The following KCNT2 variants were observed in gnomAD, a reference collection of about 807,000 sequenced individuals.
The protein encoded by KCNT2 is potassium sodium-activated channel subfamily T member 2.
Under a neutral mutation model 153.8 loss-of-function variants are expected in KCNT2, and 67 were observed. The ratio of observed to expected loss-of-function variants is 0.44; its 90% CI spans 0.36 to 0.53. KCNT2 has a LOEUF of 0.53. Ranked by LOEUF, KCNT2 falls within the 20% of genes least tolerant of loss-of-function variation. The pLI, the probability that KCNT2 is intolerant of heterozygous loss-of-function variation, is 0.00. For synonymous variants in KCNT2, 500 were observed against 458.8 expected (o/e 1.09, Z -1.15); for missense variants, 975 against 1,354.8 (o/e 0.72, Z 4.40).
chr1:196,397,894 G>T (rs1231106654), intron 13 of KCNT2, among the ~76,000 whole-genome samples: 25 of 151,210 alleles, frequency 1.7e-4, no homozygotes, highest in Admixed American at 1.7e-3. Context: ...TTGTGATTGT[G>T]GGGAAAACGT....
At chr1:196,251,512 A>T (rs1198740416) in intron 26 of KCNT2, among the ~76,000 whole-genome samples, 1 of 152,050 alleles carries the variant, frequency 6.6e-6, no homozygotes, top group Non-Finnish European at 1.5e-5. Flanking sequence ...AGAAATAAAA[A>T]CTTCATATAT....
intron 13 of KCNT2, among the ~76,000 whole-genome samples, chr1:196,382,390 A>G (rs977824138): frequency 1.3e-5 from 2 of 152,054 alleles, no homozygotes; most frequent in Non-Finnish European, 2.9e-5. Context: ...TACAGACGTG[A>G]GCCACCGCGC....
chr1:196,268,463 A>G (rs1160199556), intron 25 of KCNT2, among the ~76,000 whole-genome samples: 4 of 152,158 alleles, frequency 2.6e-5, no homozygotes, highest in Admixed American at 2.6e-4. Flanking sequence ...GATAACTTTC[A>G]TCTCCCTACT....
chr1:196,369,856 G>A (rs1368053994), intron 14 of KCNT2, among the ~76,000 whole-genome samples: 1 of 152,048 alleles, frequency 6.6e-6, no homozygotes, highest in South Asian at 2.1e-4. Context: ...TGGGATGGCT[G>A]GGTCAAATGG....
chr1:196,489,220 G>C (rs976752724), intron 3 of KCNT2, among the ~76,000 whole-genome samples: 1 of 151,916 alleles, frequency 6.6e-6, no homozygotes, highest in African/African-American at 2.4e-5. Flanking sequence ...AGATTACTAA[G>C]GAACTTCTTT....
At chr1:196,530,065 G>C (rs1426908028) in intron 1 of KCNT2, among the ~76,000 whole-genome samples, 2 of 151,714 alleles carry the variant, frequency 1.3e-5, no homozygotes, top group Non-Finnish European at 2.9e-5. Flanking sequence ...ACTATTTTTT[G>C]ACACACATCA....
At chr1:196,383,819 T>C (rs1290522486) in intron 13 of KCNT2, among the ~76,000 whole-genome samples, 1 of 152,216 alleles carries the variant, frequency 6.6e-6, no homozygotes, top group South Asian at 2.1e-4. Flanking sequence ...GCCCTGTGCT[T>C]GATTTAAAGA....
intron 13 of KCNT2, among the ~76,000 whole-genome samples, chr1:196,394,629 G>A (rs184398733): frequency 1.2e-4 from 18 of 151,622 alleles, no homozygotes; most frequent in African/African-American, 4.1e-4. Flanking sequence ...AGTGGATACT[G>A]AAGAAGAGTT....
intron 19 of KCNT2, among the ~76,000 whole-genome samples, chr1:196,324,207 C>T (rs1663620244): frequency 6.6e-6 from 1 of 151,798 alleles, no homozygotes; most frequent in Non-Finnish European, 1.5e-5. Context: ...TGTTGGATTC[C>T]CAAATGTAAG....
At chr1:196,573,767 T>C (rs1661037279) in intron 1 of KCNT2, among the ~76,000 whole-genome samples, 1 of 151,974 alleles carries the variant, frequency 6.6e-6, no homozygotes, top group South Asian at 2.1e-4. Context: ...AATTTTATTT[T>C]TCACAATATG....
chr1:196,583,588 G>A (rs1382711303), intron 1 of KCNT2, among the ~76,000 whole-genome samples: 1 of 152,010 alleles, frequency 6.6e-6, no homozygotes, highest in Non-Finnish European at 1.5e-5. Flanking sequence ...ATAATTTTTA[G>A]TGCTAAATAA....
intron 25 of KCNT2, chr1:196,273,608 A>C (rs1020512494): frequency 9.8e-6 from 6 of 610,394 alleles, no homozygotes; most frequent in East Asian, 3.0e-5. Flanking sequence ...ACATAACAAA[A>C]TCCAATTGCA....
chr1:196,467,046 C>A (rs1044539918), intron 7 of KCNT2, among the ~76,000 whole-genome samples: 1 of 151,992 alleles, frequency 6.6e-6, no homozygotes, highest in Non-Finnish European at 1.5e-5. Context: ...GCTTCTGGCT[C>A]CCACATAGAA....
chr1:196,348,390 A>G (rs945435837), intron 14 of KCNT2, among the ~76,000 whole-genome samples: 2 of 152,158 alleles, frequency 1.3e-5, no homozygotes, highest in African/African-American at 2.4e-5. Flanking sequence ...AAGATTTAAG[A>G]TGTGTTTACA....
intron 7 of KCNT2, among the ~76,000 whole-genome samples, chr1:196,466,591 C>T (rs1256264262): frequency 6.6e-6 from 1 of 151,842 alleles, no homozygotes; most frequent in Non-Finnish European, 1.5e-5. Context: ...CTTTGTTGTG[C>T]CAGATAAAAT....
chr1:196,480,726 GGCGC>G (rs1678937130), intron 4 of KCNT2, among the ~76,000 whole-genome samples: 2 of 151,448 alleles, frequency 1.3e-5, no homozygotes, highest in African/African-American at 4.8e-5. Context: ...CGTGGTGGCG[GGCGC>G]CTGTAGTCCC....
At chr1:196,595,336 A>C (rs1303318697) in intron 1 of KCNT2, among the ~76,000 whole-genome samples, 2 of 152,156 alleles carry the variant, frequency 1.3e-5, no homozygotes, top group Non-Finnish European at 2.9e-5. Flanking sequence ...GGTGATAGAC[A>C]AATTAAAAAG....
intron 22 of KCNT2, among the ~76,000 whole-genome samples, chr1:196,300,002 C>G (rs1326877643): frequency 6.6e-6 from 1 of 152,106 alleles, no homozygotes; most frequent in East Asian, 1.9e-4. Context: ...AAAAATAAGC[C>G]AGGCACAGAA....
intron 13 of KCNT2, among the ~76,000 whole-genome samples, chr1:196,397,570 A>T (rs1572301036): frequency 6.6e-6 from 1 of 151,494 alleles, no homozygotes; most frequent in Non-Finnish European, 1.5e-5. Flanking sequence ...ATGTGCAACC[A>T]GAGTTGGAAG....
Sources: allele counts gnomAD v4.1 joint callset (sites outside exome capture counted in the v4.1 genomes callset), GRCh38; gene constraint gnomAD v4.1.1; transcripts MANE v1.5; gene names NCBI Gene and HGNC (gene_info 2026-07-23, HGNC 2026-07-21).